The following MINAR1 variants were observed in gnomAD, a reference collection of about 807,000 sequenced individuals.
MINAR1 encodes major intrinsically disordered Notch2-binding receptor 1.
A neutral mutation model predicts 65.1 loss-of-function variants in MINAR1; 40 were observed. The ratio of observed to expected loss-of-function variants is 0.61; its 90% CI spans 0.48 to 0.80. The LOEUF (loss-of-function observed/expected upper bound fraction) is 0.80. Among genes scored for constraint, MINAR1 ranks in the 30% least tolerant of loss-of-function variants. MINAR1 has a pLI of 0.00. For missense variants in MINAR1, 1,128 were observed against 1,148.0 expected (o/e 0.98, Z 0.25); for synonymous variants, 482 against 449.1 (o/e 1.07, Z -0.93).
chr15:79,469,745 A>G lies in MINAR1; in HGVS notation c.*1361A>G, dbSNP rs1026057243. On this transcript the variant is annotated 3_prime_UTR_variant, in exon 4 of 4. Coordinates refer to ENST00000305428, the MANE Select transcript of MINAR1 (RefSeq NM_015206.3). ...GAATCCTTATCAGCATCTGATTCCA[A>G]TGTCTTGTTACAGGTCAAAGAAAAA... 1 of 152,632 alleles carries G rather than the reference A, an allele frequency of 6.6e-6. No individual in the cohort carries two copies. Among genetic ancestry groups the G allele is most frequent in the Non-Finnish European group, 1.5e-5 (1 of 68,040 alleles). The allele number at this position is 152,632 out of a possible 1,614,324, so 9.5% of individuals were successfully genotyped here. A position where few individuals can be genotyped will look rare whatever the true frequency, so the allele number is the denominator to read the frequency against.
chr15:79,466,575 G>A (rs1408518466), intron 3 of MINAR1, among the ~76,000 whole-genome samples: 14 of 151,972 alleles, frequency 9.2e-5, no homozygotes, highest in East Asian at 1.9e-4. Flanking sequence ...AAAATCACTC[G>A]TAGTTCAAGG....
chr15:79,452,356 G>A (rs944316065), intron 1 of MINAR1, among the ~76,000 whole-genome samples: 1 of 152,050 alleles, frequency 6.6e-6, no homozygotes, highest in African/African-American at 2.4e-5. Flanking sequence ...CTGTGTGAGT[G>A]TGTCTGGGTA....
At chr15:79,442,018 T>G (rs185792488) in intron 1 of MINAR1, among the ~76,000 whole-genome samples, 19 of 151,898 alleles carry the variant, frequency 1.3e-4, no homozygotes, top group Admixed American at 1.1e-3. Flanking sequence ...ATGCAAGAAT[T>G]TTCTGCATTC....
At chr15:79,463,868 G>A in intron 3 of MINAR1, 2 of 415,394 alleles carry the variant, frequency 4.8e-6, no homozygotes, top group Non-Finnish European at 9.7e-6. Flanking sequence ...ATTTTGGTGG[G>A]CAGCTCTGCC....
chr15:79,458,014 G>A lies in MINAR1; in HGVS notation c.1867G>A (p.Val623Ile). ...LSGVRDEISQ[V>I]LGKLNKLDQK... is the part of the protein sequence containing the mutation. The stretch of plus-strand genomic sequence containing the variant: ...GGGTGTCCGTGATGAAATCTCCCAG[G>A]TCTTGGGCAAACTAAATAAATTGGA... Residue 623 changes from valine to isoleucine, a missense_variant, in exon 2 of 4, where the codon GTC becomes ATC. By Grantham distance (29) the Val-to-Ile change is conservative. Coordinates refer to ENST00000305428, the MANE Select transcript of MINAR1 (RefSeq NM_015206.3). 1.2e-6 allele frequency: 2 copies of A among 1,614,168 alleles called. No individual in the cohort carries two copies. The highest frequency in any genetic ancestry group is 1.1e-5 in the South Asian group (1 of 91,078).
chr15:79,416,620 A>G, the MINAR1 span: 1 of 152,150 alleles, frequency 6.6e-6, no homozygotes, highest in Non-Finnish European at 1.5e-5. Flanking sequence ...GCTGAGGGGG[A>G]AACTCATTAT....
At chr15:79,422,387 C>G in the MINAR1 span, 2 of 151,910 alleles carry the variant, frequency 1.3e-5, no homozygotes, top group African/African-American at 4.8e-5. Context: ...CCCGTCTCTA[C>G]TAAAAATACA....
At chr15:79,411,462 A>C in the MINAR1 span, 1 of 702,500 alleles carries the variant, frequency 1.4e-6, no homozygotes, top group South Asian at 1.5e-5. Context: ...AGCCAGGCGG[A>C]ACACCTGCCA....
At chr15:79,428,367 T>C (rs1894364570), upstream of MINAR1, among the ~76,000 whole-genome samples, 1 of 120,170 alleles carries the variant, frequency 8.3e-6, no homozygotes. Context: ...CCTTTTCTTC[T>C]TTCTTCCCCT....
chr15:79,442,432 T>C (rs966344203), intron 1 of MINAR1, among the ~76,000 whole-genome samples: 2 of 152,132 alleles, frequency 1.3e-5, no homozygotes, highest in Non-Finnish European at 2.9e-5. Flanking sequence ...TTCTGTTCCA[T>C]TGATTTATCT....
Position 79,458,318 on chromosome 15 carries a change from C to A in MINAR1, c.2171C>A (p.Ala724Asp). Residue 724 changes from alanine to aspartate, a missense_variant, in exon 2 of 4, where the codon GCC (alanine) becomes GAC (aspartate). Coordinates refer to ENST00000305428, the MANE Select transcript of MINAR1 (RefSeq NM_015206.3). ...AACAGTGCCACAGAGTCCAAAATTG[C>A]CAGCATCTCCAACTCGCCCAGAGAC... The part of the protein sequence containing the change: ...EENSATESKI[A>D]SISNSPRDWR... 1 of 1,614,168 alleles carries A rather than the reference C, an allele frequency of 6.2e-7. No individual in the cohort carries two copies. Among genetic ancestry groups the A allele is most frequent in the Non-Finnish European group, 8.5e-7 (1 of 1,180,032 alleles).
intron 2 of MINAR1, among the ~76,000 whole-genome samples, chr15:79,459,294 G>T (rs1895556242): frequency 6.6e-6 from 1 of 152,152 alleles, no homozygotes; most frequent in South Asian, 2.1e-4. Flanking sequence ...TTCGTTGGAG[G>T]CTCTTTCACG....
chr15:79,457,696 G>T lies in MINAR1; in HGVS notation c.1549G>T (p.Asp517Tyr), dbSNP rs771551419. ...CGATGACTCAGAAATTGTCAGCGAC[G>T]ACATCAGTGACATTTTCCGATTTCT... is the stretch of plus-strand genomic sequence containing the variant. ...SDDDSEIVSD[D>Y]ISDIFRFLDD... Residue 517 changes from aspartate (D) to tyrosine (Y), a missense_variant, in exon 2 of 4, where the codon GAC becomes TAC. By Grantham distance (160) the Asp-to-Tyr change is radical. Coordinates refer to ENST00000305428, the MANE Select transcript of MINAR1 (RefSeq NM_015206.3). 1 of 1,614,144 alleles carries T rather than the reference G, an allele frequency of 6.2e-7. No individual in the cohort carries two copies. Among genetic ancestry groups the T allele is most frequent in the East Asian group, 2.2e-5 (1 of 44,882 alleles).
At chr15:79,419,593 T>C in the MINAR1 span, 4 of 152,328 alleles carry the variant, frequency 2.6e-5, no homozygotes, top group African/African-American at 9.6e-5. Context: ...CAGCTTCATG[T>C]CCTCTCTCCC....
chr15:79,458,551 G>A (rs1018843467), intron 2 of MINAR1, 106 bp downstream of exon 2: 1 of 1,344,000 alleles, frequency 7.4e-7, no homozygotes, highest in African/African-American at 1.5e-5. Flanking sequence ...CCTGGCCTCT[G>A]TGTGCCAGTC....
the MINAR1 span, chr15:79,415,937 G>GA: frequency 6.6e-6 from 1 of 152,116 alleles, no homozygotes; most frequent in African/African-American, 2.4e-5. Flanking sequence ...AAAAATTATA[G>GA]AAAAAATCAT....
chr15:79,463,392 G>A (rs1428248442), intron 3 of MINAR1, 71 bp downstream of exon 3: 59 of 1,569,624 alleles, frequency 3.8e-5, no homozygotes, highest in East Asian at 1.8e-4. Flanking sequence ...AATGGATCAC[G>A]GACGGCTTAG....
Position 79,468,575 on chromosome 15 carries a change from TG to T in MINAR1, c.*192del. On this transcript the variant is annotated 3_prime_UTR_variant, in exon 4 of 4. Coordinates refer to ENST00000305428, the MANE Select transcript of MINAR1 (RefSeq NM_015206.3). Reference sequence around the variant, plus strand: ...GAGAAATCTACCTACCTATTAGCTTTGACTCAATTACACTCTGACGCATTTT... The same window carrying T: ...GAGAAATCTACCTACCTATTAGCTTTACTCAATTACACTCTGACGCATTTT... 1.7e-6 allele frequency: 1 copy of T among 595,430 alleles called. No individual in the cohort carries two copies. Among genetic ancestry groups the T allele is most frequent in the Non-Finnish European group, 3.0e-6 (1 of 338,734 alleles). 36.9% of individuals were successfully genotyped at this position (595,430 alleles called of 1,614,324 possible). A position where few individuals can be genotyped will look rare whatever the true frequency, so the allele number is the denominator to read the frequency against.
chr15:79,468,399 C>T lies in MINAR1; in HGVS notation c.*15C>T, dbSNP rs1567064215. On this transcript the variant is annotated 3_prime_UTR_variant, in exon 4 of 4. Transcript: ENST00000305428. ...TGAAATCATGAGCTAAGAATGCAAC[C>T]TTACGTACAGCTTATGACTACCAAT... The T allele has an allele frequency of 6.2e-7, 1 of 1,610,672 alleles. No individual in the cohort carries two copies. Among genetic ancestry groups the T allele is most frequent in the African/African-American group, 1.3e-5 (1 of 74,978 alleles).
Sources: gnomAD v4.1 joint callset for allele counts (sites outside exome capture counted in the v4.1 genomes callset) on GRCh38, gnomAD v4.1.1 for gene constraint, MANE v1.5 for transcripts, NCBI Gene and HGNC (gene_info 2026-07-23, HGNC 2026-07-21) for gene names.